The following TAS2R1 variants were observed in gnomAD, a reference collection of about 807,000 sequenced individuals.
The protein encoded by TAS2R1 is taste 2 receptor member 1, also known as taste receptor type 2 member 1.
For synonymous variants in TAS2R1, 141 were observed against 134.2 expected (o/e 1.05, Z -0.35); for missense variants, 370 against 353.4 (o/e 1.05, Z -0.38).
At chr5:9,802,016 C>G in the TAS2R1 span, among the ~76,000 whole-genome samples, 1 of 152,148 alleles carries the variant, frequency 6.6e-6, no homozygotes, top group South Asian at 2.1e-4. Context: ...GCCTGAGAAA[C>G]CTGAATACTT....
At chr5:9,775,184 C>T in the TAS2R1 span, among the ~76,000 whole-genome samples, 2 of 152,162 alleles carry the variant, frequency 1.3e-5, no homozygotes, top group Admixed American at 1.3e-4. Flanking sequence ...CCTTTCTGCA[C>T]ACAAAGGACT....
chr5:9,714,625 T>C (rs1373720188), upstream of TAS2R1, among the ~76,000 whole-genome samples: 1 of 152,260 alleles, frequency 6.6e-6, no homozygotes, highest in East Asian at 1.9e-4. Flanking sequence ...GGAATAGGGA[T>C]TGGCACATAA....
At chr5:9,632,685 T>A (rs371551489), upstream of TAS2R1, among the ~76,000 whole-genome samples, 4 of 152,194 alleles carry the variant, frequency 2.6e-5, no homozygotes, top group African/African-American at 9.7e-5. Flanking sequence ...TGCTCATCTG[T>A]AAGAAGCACT....
chr5:9,819,072 T>G, the TAS2R1 span, among the ~76,000 whole-genome samples: 1 of 152,150 alleles, frequency 6.6e-6, no homozygotes, highest in African/African-American at 2.4e-5. Context: ...TTACTGTTCC[T>G]CTCCCTCCCT....
At chr5:9,848,449 T>C in the TAS2R1 span, among the ~76,000 whole-genome samples, 1 of 152,330 alleles carries the variant, frequency 6.6e-6, no homozygotes, top group Non-Finnish European at 1.5e-5. Context: ...TTATACATTA[T>C]GCCGATTTTA....
the TAS2R1 span, among the ~76,000 whole-genome samples, chr5:9,840,359 T>C: frequency 6.6e-6 from 1 of 152,240 alleles, no homozygotes; most frequent in African/African-American, 2.4e-5. Context: ...TCTGAATGAA[T>C]GGCACCAATA....
chr5:9,775,621 G>C, the TAS2R1 span, among the ~76,000 whole-genome samples: 1 of 152,082 alleles, frequency 6.6e-6, no homozygotes, highest in Non-Finnish European at 1.5e-5. Flanking sequence ...ATTATTCAGG[G>C]CTCAAGGGCT....
chr5:9,760,321 A>G, the TAS2R1 span, among the ~76,000 whole-genome samples: 2 of 152,238 alleles, frequency 1.3e-5, no homozygotes, highest in African/African-American at 4.8e-5. Context: ...ATAGAAGTAG[A>G]GGGAACATTT....
chr5:9,896,427 T>C, the TAS2R1 span, among the ~76,000 whole-genome samples: 1 of 152,164 alleles, frequency 6.6e-6, no homozygotes, highest in Non-Finnish European at 1.5e-5. Context: ...CTAATTGGTT[T>C]AGGTCAGTTT....
At chr5:9,729,904 CCA>C in the TAS2R1 span, among the ~76,000 whole-genome samples, 2 of 152,062 alleles carry the variant, frequency 1.3e-5, no homozygotes, top group East Asian at 3.8e-4. Context: ...AGAGTGATAT[CCA>C]CAGATATTTT....
chr5:9,861,356 T>A, the TAS2R1 span, among the ~76,000 whole-genome samples: 4 of 152,180 alleles, frequency 2.6e-5, no homozygotes, highest in Non-Finnish European at 5.9e-5. Flanking sequence ...CATGCCTGTG[T>A]CACCATTAGA....
the TAS2R1 span, among the ~76,000 whole-genome samples, chr5:9,738,416 A>T: frequency 6.6e-6 from 1 of 152,164 alleles, no homozygotes; most frequent in African/African-American, 2.4e-5. Flanking sequence ...GAGGCCTGGG[A>T]AAAAGGCGCT....
the TAS2R1 span, among the ~76,000 whole-genome samples, chr5:9,821,941 C>G: frequency 6.6e-6 from 1 of 152,174 alleles, no homozygotes; most frequent in African/African-American, 2.4e-5. Flanking sequence ...AGCAGCCATG[C>G]CCAGCCCTGG....
At chr5:9,691,812 T>C (rs1741253890) in intron 1 of TAS2R1, among the ~76,000 whole-genome samples, 1 of 152,074 alleles carries the variant, frequency 6.6e-6, no homozygotes, top group Admixed American at 6.6e-5. Context: ...GGAACTTACA[T>C]GAATTTAGAC....
At chr5:9,755,182 C>T in the TAS2R1 span, among the ~76,000 whole-genome samples, 4 of 152,054 alleles carry the variant, frequency 2.6e-5, no homozygotes, top group African/African-American at 9.7e-5. Context: ...AGCTTTGTTA[C>T]CAGAAAAGAG....
At chr5:9,839,605 C>A in the TAS2R1 span, among the ~76,000 whole-genome samples, 7 of 152,136 alleles carry the variant, frequency 4.6e-5, no homozygotes, top group African/African-American at 1.7e-4. Context: ...CCAATAAGTA[C>A]AAAGTGACTC....
upstream of TAS2R1, among the ~76,000 whole-genome samples, chr5:9,716,191 C>T (rs4702639): frequency 0.086 from 13,122 of 152,106 alleles, 762 homozygotes; most frequent in Admixed American, 0.19. Context: ...GAGGAATGTG[C>T]GCTGGGGAGG....
At chr5:9,890,792 G>T in the TAS2R1 span, among the ~76,000 whole-genome samples, 17 of 152,244 alleles carry the variant, frequency 1.1e-4, no homozygotes, top group East Asian at 3.1e-3. Flanking sequence ...GTTTTTAAGG[G>T]CCACTGTGAC....
At chr5:9,895,987 C>G in the TAS2R1 span, among the ~76,000 whole-genome samples, 2 of 152,290 alleles carry the variant, frequency 1.3e-5, no homozygotes, top group South Asian at 4.1e-4. Context: ...AAATAGTGGC[C>G]TCTAAAATTT....
Sources: gnomAD v4.1 joint callset for allele counts (sites outside exome capture counted in the v4.1 genomes callset) on GRCh38, gnomAD v4.1.1 for gene constraint, MANE v1.5 for transcripts, NCBI Gene and HGNC (gene_info 2026-07-23, HGNC 2026-07-21) for gene names.